SAMD5: variants seen among roughly 807,000 people sequenced by gnomAD.
SAMD5 encodes sterile alpha motif domain containing 5, also known as sterile alpha motif domain-containing protein 5.
In SAMD5, 13 loss-of-function variants were observed where a neutral mutation model predicts 11.3. The ratio of observed to expected loss-of-function variants is 1.15; its 90% confidence interval spans 0.75 to 1.83. The LOEUF is 1.83. Ranked by LOEUF, SAMD5 falls within the 40% of genes most tolerant of loss-of-function variation. The pLI is 0.00. For synonymous variants in SAMD5, 129 were observed against 111.3 expected, an observed-to-expected ratio of 1.16 and a Z score of -1.00; for missense variants, 255 against 239.1, an observed-to-expected ratio of 1.07 and a Z score of -0.44.
the SAMD5 span, among the ~76,000 whole-genome samples, chr6:147,942,842 T>TTTTG: frequency 6.9e-6 from 1 of 145,456 alleles, no homozygotes; most frequent in Non-Finnish European, 1.5e-5. Context: ...TTTTTTTTTC[T>TTTTG]GAGATGGAGT....
At chr6:147,863,920 C>G in the SAMD5 span, among the ~76,000 whole-genome samples, 1 of 149,226 alleles carries the variant, frequency 6.7e-6, no homozygotes, top group Non-Finnish European at 1.5e-5. Flanking sequence ...CTTGGCTCAC[C>G]ACAACCTCTG....
At chr6:147,779,332 AT>A in the SAMD5 span, among the ~76,000 whole-genome samples, 1 of 152,174 alleles carries the variant, frequency 6.6e-6, no homozygotes, top group Non-Finnish European at 1.5e-5. Context: ...TATGAAATGC[AT>A]TTTATGAGTT....
chr6:147,846,601 C>T, the SAMD5 span, among the ~76,000 whole-genome samples: 1 of 152,194 alleles, frequency 6.6e-6, no homozygotes, highest in African/African-American at 2.4e-5. Context: ...AGGGAGATCA[C>T]TTGAGGTGAG....
At chr6:147,945,370 T>C in the SAMD5 span, among the ~76,000 whole-genome samples, 1 of 152,356 alleles carries the variant, frequency 6.6e-6, no homozygotes, top group South Asian at 2.1e-4. Context: ...TATTTGTGTA[T>C]GCTTTACCTC....
the SAMD5 span, among the ~76,000 whole-genome samples, chr6:147,927,401 A>G: frequency 8.6e-3 from 1,302 of 152,186 alleles, 24 homozygotes; most frequent in African/African-American, 0.03. Context: ...CTGTATTCCT[A>G]GATATTTTAT....
At chr6:147,652,241 G>C (rs1448770869) in intron 1 of SAMD5, among the ~76,000 whole-genome samples, 1 of 151,898 alleles carries the variant, frequency 6.6e-6, no homozygotes, top group East Asian at 1.9e-4. Flanking sequence ...TTTCATCAGA[G>C]GTTCCAAATA....
At chr6:147,929,078 T>C in the SAMD5 span, among the ~76,000 whole-genome samples, 2 of 152,144 alleles carry the variant, frequency 1.3e-5, no homozygotes, top group Non-Finnish European at 2.9e-5. Context: ...TTCATGGTAG[T>C]CTTTTAACTA....
the SAMD5 span, among the ~76,000 whole-genome samples, chr6:147,899,170 CAAAAAAAAAA>C: frequency 4.8e-5 from 3 of 62,626 alleles, no homozygotes; most frequent in African/African-American, 7.1e-5. Context: ...GACTCTGTCT[CAAAAAAAAAA>C]AAAAAAAAAA....
At chr6:147,834,684 T>C in the SAMD5 span, among the ~76,000 whole-genome samples, 1 of 152,230 alleles carries the variant, frequency 6.6e-6, no homozygotes, top group East Asian at 1.9e-4. Flanking sequence ...TTATGAAATA[T>C]GGCCAGACTT....
At chr6:147,550,840 C>T (rs1788758711) in intron 1 of SAMD5, among the ~76,000 whole-genome samples, 1 of 151,946 alleles carries the variant, frequency 6.6e-6, no homozygotes, top group African/African-American at 2.4e-5. Flanking sequence ...CTAAAAATGC[C>T]CAGACTTGAC....
chr6:147,953,697 T>C, the SAMD5 span: 16 of 152,208 alleles, frequency 1.1e-4, no homozygotes, highest in African/African-American at 3.6e-4. Context: ...TAGGTAAGCT[T>C]GTTATTATTT....
rs1788888206 is a variant in SAMD5, at chr6:147,558,208, G to A, written c.460-6186G>A. ...ATACAATAATAGATGATTTTCCTGT[G>A]GAATAGGTTGATGAGAGACAGAGAC... On this transcript the variant is annotated intron_variant, in intron 1 of 1. Coordinates refer to ENST00000367474, the MANE Select transcript of SAMD5 (RefSeq NM_001030060.3). 3.3e-5 allele frequency among the ~76,000 whole-genome samples: 5 copies of A among 152,264 alleles called. No individual in the cohort carries two copies. In the South Asian group the frequency reaches 1.0e-3, roughly 32 times the overall value.
At chr6:147,886,130 A>G in the SAMD5 span, among the ~76,000 whole-genome samples, 1 of 152,314 alleles carries the variant, frequency 6.6e-6, no homozygotes, top group South Asian at 2.1e-4. Flanking sequence ...CCAGGAATAC[A>G]ATCATGACTC....
the SAMD5 span, among the ~76,000 whole-genome samples, chr6:147,824,209 A>G: frequency 6.6e-6 from 1 of 152,184 alleles, no homozygotes; most frequent in Non-Finnish European, 1.5e-5. Flanking sequence ...ATTGCTTTGG[A>G]AAGTTGTGAT....
At chr6:147,807,414 T>C in the SAMD5 span, among the ~76,000 whole-genome samples, 1 of 152,200 alleles carries the variant, frequency 6.6e-6, no homozygotes, top group Non-Finnish European at 1.5e-5. Flanking sequence ...TAAATTTCTG[T>C]TGTTTAAGCC....
the SAMD5 span, among the ~76,000 whole-genome samples, chr6:147,907,307 T>C: frequency 2.0e-5 from 3 of 152,260 alleles, no homozygotes; most frequent in Non-Finnish European, 4.4e-5. Context: ...CAGCAAGAGC[T>C]CAGTAAATAT....
the SAMD5 span, among the ~76,000 whole-genome samples, chr6:147,894,514 T>A: frequency 6.6e-6 from 1 of 152,154 alleles, no homozygotes. Context: ...CTGAGACTTG[T>A]CCTGATGCTG....
At chr6:147,523,187 T>A (rs2128440277) in intron 1 of SAMD5, among the ~76,000 whole-genome samples, 1 of 152,206 alleles carries the variant, frequency 6.6e-6, no homozygotes, top group Middle Eastern at 3.4e-3. Flanking sequence ...AAAACCCTTA[T>A]AAAATAAATT....
At chr6:147,878,358 G>A in the SAMD5 span, among the ~76,000 whole-genome samples, 2 of 151,476 alleles carry the variant, frequency 1.3e-5, no homozygotes, top group African/African-American at 2.4e-5. Context: ...TCAAGACAAC[G>A]CTTACCCCTC....
Sources: gnomAD v4.1 joint callset for allele counts (sites outside exome capture counted in the v4.1 genomes callset) on GRCh38, gnomAD v4.1.1 for gene constraint, MANE v1.5 for transcripts, NCBI Gene and HGNC (gene_info 2026-07-23, HGNC 2026-07-21) for gene names.